WAC: variants seen among roughly 807,000 people sequenced by gnomAD.
WAC encodes WW domain-containing adapter protein with coiled-coil.
WAC carries 11 observed loss-of-function variants against 79.6 expected under a neutral mutation model. The observed-to-expected ratio is 0.14, with a 90% confidence interval of 0.09 to 0.23. The LOEUF is 0.23. Ranked by LOEUF, WAC falls within the 10% of genes least tolerant of loss-of-function variation. WAC has a pLI of 1.00. For missense variants in WAC, 728 were observed against 773.5 expected (o/e 0.94, Z 0.70); for synonymous variants, 304 against 276.9 (o/e 1.10, Z -0.97).
intron 4 of WAC, 98 bp downstream of exon 4, chr10:28,583,603 C>T (rs1589196577): frequency 8.9e-6 from 7 of 788,344 alleles, no homozygotes; most frequent in East Asian, 8.7e-5. Flanking sequence ...AATCTAATGT[C>T]TTTTTTTTTA....
chr10:28,583,896 TACAC>T (rs1277684546), intron 4 of WAC, among the ~76,000 whole-genome samples: 1 of 152,348 alleles, frequency 6.6e-6, no homozygotes, highest in East Asian at 1.9e-4. Flanking sequence ...TACTGTGTCT[TACAC>T]ACTCTCCCAG....
chr10:28,549,397 T>C (rs565041793), intron 3 of WAC, among the ~76,000 whole-genome samples: 10 of 152,310 alleles, frequency 6.6e-5, no homozygotes, highest in African/African-American at 1.9e-4. Flanking sequence ...ACATATCTCT[T>C]TGCTTATTGG....
chr10:28,618,406 A>G (rs2132876356), intron 13 of WAC, among the ~76,000 whole-genome samples: 1 of 152,318 alleles, frequency 6.6e-6, no homozygotes, highest in South Asian at 2.1e-4. Flanking sequence ...AATATTTAGT[A>G]AATACCAAAT....
intron 3 of WAC, among the ~76,000 whole-genome samples, chr10:28,555,764 C>T (rs1837946226): frequency 6.6e-6 from 1 of 152,000 alleles, no homozygotes; most frequent in Admixed American, 6.6e-5. Context: ...AGTGTAGGGC[C>T]CCCATGATGG....
At chr10:28,558,275 T>C (rs985248941) in intron 3 of WAC, among the ~76,000 whole-genome samples, 3 of 152,162 alleles carry the variant, frequency 2.0e-5, no homozygotes, top group African/African-American at 7.2e-5. Flanking sequence ...AAAGATTTTA[T>C]TGAGGAGAGT....
chr10:28,610,894 T>C, intron 9 of WAC, 73 bp downstream of exon 9: 1 of 1,440,828 alleles, frequency 6.9e-7, no homozygotes, highest in African/African-American at 1.5e-5. Context: ...CCCTTTTTTG[T>C]ATTTAGTTTT....
At chr10:28,544,979 C>G (rs570605746) in intron 3 of WAC, among the ~76,000 whole-genome samples, 1 of 146,796 alleles carries the variant, frequency 6.8e-6, no homozygotes, top group South Asian at 2.2e-4. Flanking sequence ...GCAGGAGAAT[C>G]GCTTAAACCC....
chr10:28,562,296 T>TC (rs1564387390), intron 3 of WAC, among the ~76,000 whole-genome samples: 1 of 152,162 alleles, frequency 6.6e-6, no homozygotes, highest in East Asian at 1.9e-4. Flanking sequence ...CCTCAAGTAA[T>TC]CCGCCCACCT....
At chr10:28,549,112 T>C (rs1162479410) in intron 3 of WAC, among the ~76,000 whole-genome samples, 1 of 152,220 alleles carries the variant, frequency 6.6e-6, no homozygotes, top group South Asian at 2.1e-4. Context: ...TTACCCAGGC[T>C]GGTCTTGAAC....
At chr10:28,575,188 A>G (rs1284583484) in intron 3 of WAC, among the ~76,000 whole-genome samples, 1 of 152,170 alleles carries the variant, frequency 6.6e-6, no homozygotes, top group Non-Finnish European at 1.5e-5. Flanking sequence ...GGTTTGGGGT[A>G]CGAATGATCC....
intron 3 of WAC, among the ~76,000 whole-genome samples, chr10:28,536,834 A>G (rs1261858747): frequency 6.6e-6 from 1 of 152,228 alleles, no homozygotes; most frequent in African/African-American, 2.4e-5. Context: ...ATTCTCTCCT[A>G]CATGTTGCTT....
At chr10:28,587,248 TAAA>T (rs921536268) in intron 4 of WAC, among the ~76,000 whole-genome samples, 1 of 152,206 alleles carries the variant, frequency 6.6e-6, no homozygotes, top group African/African-American at 2.4e-5. Context: ...AAGTAATTTT[TAAA>T]AAAATAGACA....
At chr10:28,538,740 AATTTTTTTTTT>A (rs1454954199) in intron 3 of WAC, among the ~76,000 whole-genome samples, 1 of 151,194 alleles carries the variant, frequency 6.6e-6, no homozygotes, top group African/African-American at 2.4e-5. Flanking sequence ...AAAAAAAAAA[AATTTTTTTTTT>A]GATTAGCTGG....
rs1039390139 is a variant in WAC, at chr10:28,595,912, C to A, written c.790C>A (p.Pro264Thr). The A allele has an allele frequency of 1.2e-6, 2 of 1,614,046 alleles. No homozygotes were observed. The highest frequency in any genetic ancestry group is 2.7e-5 in the African/African-American group (2 of 74,920). The change falls in exon 7 of 14, where the codon CCT (proline) becomes ACT (threonine). Residue 264 changes from proline to threonine, a missense_variant. Physicochemically the swap from Pro to Thr is conservative, Grantham distance 38. Coordinates refer to ENST00000354911, the MANE Select transcript of WAC (RefSeq NM_016628.5). ...TCCAACTGCTACCCCAAGCACTGTT[C>A]CTTCTAGTCCATTTACGCTACAGTC... Reference protein sequence around the residue: ...VHPTATPSTVPSSPFTLQSDH... With the variant: ...VHPTATPSTVTSSPFTLQSDH...
intron 3 of WAC, among the ~76,000 whole-genome samples, chr10:28,581,641 G>A (rs1263235796): frequency 6.6e-6 from 1 of 151,890 alleles, no homozygotes; most frequent in Non-Finnish European, 1.5e-5. Flanking sequence ...CTGCAACCTC[G>A]CCTCCCAGGT....
intron 4 of WAC, among the ~76,000 whole-genome samples, chr10:28,584,796 A>C (rs1399159144): frequency 6.6e-6 from 1 of 152,212 alleles, no homozygotes; most frequent in African/African-American, 2.4e-5. Context: ...GTCCATTTAG[A>C]AAATTATACT....
intron 4 of WAC, 26 bp downstream of exon 4, chr10:28,583,531 T>C (rs748792992): frequency 8.1e-6 from 11 of 1,364,966 alleles, no homozygotes; most frequent in Non-Finnish European, 9.7e-6. Flanking sequence ...ATGTCCAATA[T>C]GGTTTCTTTG....
Position 28,595,206 on chromosome 10 carries a change from G to A in WAC, c.611-527G>A, listed in dbSNP as rs531496315. ...GTCATCTTAAAATGATTTCATTTAA[G>A]CCTTCTTATAAACTGCTTTAGAGGC... On this transcript the variant is annotated intron_variant, in intron 6 of 13. Coordinates refer to ENST00000354911, the MANE Select transcript of WAC (RefSeq NM_016628.5). Among the ~76,000 whole-genome samples the A allele has an allele frequency of 2.6e-5, 4 of 152,242 alleles. No individual in the cohort carries two copies. The South Asian group carries it at 8.3e-4, about 32-fold the overall frequency.
intron 11 of WAC, chr10:28,615,817 C>G (rs1841442556): frequency 1.1e-5 from 2 of 174,938 alleles, no homozygotes; most frequent in African/African-American, 4.7e-5. Flanking sequence ...TTCCCCTTAT[C>G]TAGATGTGTA....
Sources: gnomAD v4.1 joint callset for allele counts (sites outside exome capture counted in the v4.1 genomes callset) on GRCh38, gnomAD v4.1.1 for gene constraint, MANE v1.5 for transcripts, NCBI Gene and HGNC (gene_info 2026-07-23, HGNC 2026-07-21) for gene names.